Variants in FBXO38 observed in about 807,000 individuals in gnomAD.
The protein encoded by FBXO38 is F-box protein 38, also known as F-box only protein 38.
FBXO38 carries 53 observed loss-of-function variants against 131.9 expected under a neutral mutation model. That is an observed-to-expected ratio of 0.40 (90% CI 0.32 to 0.51). FBXO38 has a LOEUF of 0.51. FBXO38 is among the 20% of genes least tolerant of loss of function. The pLI, the probability that FBXO38 is intolerant of heterozygous loss-of-function variation, is 0.53. For synonymous variants in FBXO38, 452 were observed against 505.6 expected (o/e 0.89, Z 1.42); for missense variants, 1,076 against 1,475.6 (o/e 0.73, Z 4.44).
At chr5:148,435,214 C>T (rs58502205) in intron 17 of FBXO38, among the ~76,000 whole-genome samples, 11,162 of 152,176 alleles carry the variant, frequency 0.073, 773 homozygotes, top group East Asian at 0.23. Flanking sequence ...GAGGGCCTTG[C>T]CCTGGGTTAG....
At chr5:148,431,577 T>C (rs1042305073) in intron 15 of FBXO38, among the ~76,000 whole-genome samples, 20 of 152,216 alleles carry the variant, frequency 1.3e-4, no homozygotes, top group African/African-American at 4.6e-4. Flanking sequence ...TGTCATGTAG[T>C]GGAAACAGGC....
intron 15 of FBXO38, among the ~76,000 whole-genome samples, chr5:148,428,344 T>C (rs1422552010): frequency 6.6e-6 from 1 of 152,190 alleles, no homozygotes; most frequent in East Asian, 1.9e-4. Context: ...GGGGAACACA[T>C]CTCAGTGCAG....
chr5:148,401,535 G>A (rs1395790761), intron 3 of FBXO38, among the ~76,000 whole-genome samples: 2 of 152,092 alleles, frequency 1.3e-5, no homozygotes, highest in Admixed American at 6.6e-5. Context: ...GCTTCCTAAC[G>A]ATGAGGATCA....
Position 148,414,311 on chromosome 5 carries a change from T to C in FBXO38, c.1264+5T>C. 6.3e-7 allele frequency: 1 copy of C among 1,584,134 alleles called. No individual in the cohort carries two copies. The stretch of plus-strand genomic sequence containing the variant: ...ACCCATACAATTGGATCTCAGGTAT[T>C]ACAGACTTAAAAATACAGCTATGTT... On this transcript the variant is annotated splice_donor_5th_base_variant and intron_variant, in intron 10 of 21. Coordinates refer to ENST00000340253, the MANE Select transcript of FBXO38 (RefSeq NM_205836.3).
In FBXO38 at chr5:148,436,055, A is replaced by T. The variant is rs563176328; in HGVS notation, c.2858-2277A>T. Among the ~76,000 whole-genome samples, 26 of 152,312 alleles carry T rather than the reference A, an allele frequency of 1.7e-4. No homozygotes were observed. The South Asian group carries it at 5.4e-3, about 32-fold the overall frequency. On this transcript the variant is annotated intron_variant, in intron 17 of 21. Coordinates refer to ENST00000340253, the MANE Select transcript of FBXO38 (RefSeq NM_205836.3). ...GATCATAGACCACCATAATGGATAA[A>T]ATAATAATGAAAAAGTTTGAAATAC...
intron 6 of FBXO38, 132 bp downstream of exon 6, chr5:148,404,954 G>A: frequency 1.4e-6 from 1 of 727,622 alleles, no homozygotes; most frequent in African/African-American, 1.9e-5. Flanking sequence ...TATTCATCTT[G>A]TGAAGATAAA....
In FBXO38 at chr5:148,427,244, G is replaced by A; in HGVS notation, c.1950G>A (p.Lys650=). ...GAAAAGGCAAGACTCCACTTCGAAAGAGGTACAACTCCCATCAGATGGGCC... is the reference window on the plus strand; with the variant it reads ...GAAAAGGCAAGACTCCACTTCGAAAAAGGTACAACTCCCATCAGATGGGCC... ...VSGKGKTPLR[K]RYNSHQMGQS... The change falls in exon 15 of 22, where the codon AAG becomes AAA. Residue 650 remains lysine, a synonymous_variant. Transcript: ENST00000340253. 1 of 1,606,026 alleles carries A rather than the reference G, an allele frequency of 6.2e-7. No homozygotes were observed. The highest frequency in any genetic ancestry group is 8.5e-7 in the Non-Finnish European group (1 of 1,176,470).
At chr5:148,432,629 A>G (rs1397453009) in intron 15 of FBXO38, among the ~76,000 whole-genome samples, 18 of 152,250 alleles carry the variant, frequency 1.2e-4, no homozygotes, top group Admixed American at 1.2e-3. Context: ...GTAAGCGCTC[A>G]GTAAATATTT....
intron 1 of FBXO38, among the ~76,000 whole-genome samples, chr5:148,390,402 A>G (rs982750837): frequency 1.3e-5 from 2 of 152,138 alleles, no homozygotes; most frequent in African/African-American, 4.8e-5. Context: ...CTTTTACCCT[A>G]GTGTTTATCT....
rs1751994156 is a variant in FBXO38 at position 148,399,107 on chromosome 5, G to T, written c.237G>T (p.Gly79=). The stretch of plus-strand genomic sequence containing the variant: ...TGAGAGTTGTAGATCTCTGTGCAGG[G>T]CGGTGGTGGGAATACATGCCAAGTG... The part of the protein sequence containing the change: ...RVVRVVDLCA[G]RWWEYMPSGF... The change falls in exon 3 of 22, where the codon GGG becomes GGT. Residue 79 remains glycine (G), a synonymous_variant. Coordinates refer to ENST00000340253, the MANE Select transcript of FBXO38 (RefSeq NM_205836.3). The T allele has an allele frequency of 3.7e-6, 6 of 1,611,364 alleles. No individual in the cohort carries two copies. The highest frequency in any genetic ancestry group is 5.1e-6 in the Non-Finnish European group (6 of 1,178,936).
Position 148,423,991 on chromosome 5 carries a change from G to T in FBXO38, c.1619-7G>T. 6.2e-7 allele frequency: 1 copy of T among 1,606,158 alleles called. No individual in the cohort carries two copies. The highest frequency in any genetic ancestry group is 8.5e-7 in the Non-Finnish European group (1 of 1,177,370). On this transcript the variant is annotated splice_polypyrimidine_tract_variant and splice_region_variant and intron_variant, in intron 12 of 21. Coordinates refer to ENST00000340253, the MANE Select transcript of FBXO38 (RefSeq NM_205836.3). ...TGGTTTTTACTTTGTGTATATTTTC[G>T]TTGAAGCATTAAATGAGATGGAAGA...
intron 12 of FBXO38, 54 bp downstream of exon 12, chr5:148,417,258 T>C (rs1220471746): frequency 5.6e-6 from 7 of 1,244,174 alleles, no homozygotes; most frequent in Non-Finnish European, 8.2e-6. Flanking sequence ...CTTTGTATTG[T>C]ATTTCTGGCT....
At chr5:148,388,345 A>T (rs1327609478) in intron 1 of FBXO38, among the ~76,000 whole-genome samples, 1 of 152,182 alleles carries the variant, frequency 6.6e-6, no homozygotes, top group Non-Finnish European at 1.5e-5. Flanking sequence ...ATTGGCTGCA[A>T]CTTCATGTCA....
rs1223384580 is a variant in FBXO38, at chr5:148,394,712, AG to A, written c.-63del. On this transcript the variant is annotated splice_acceptor_variant, in intron 1 of 21. Coordinates refer to ENST00000340253, the MANE Select transcript of FBXO38 (RefSeq NM_205836.3). LOFTEE classifies it low-confidence loss of function (5UTR_SPLICE). ...GTCTACTTCGTTCTGTTTGCTTTTC[AG>A]GTACTTTGAACTCAAGTAAACAAAA... The A allele has an allele frequency of 9.2e-6, 13 of 1,414,512 alleles. No individual in the cohort carries two copies. In the African/African-American group the frequency reaches 1.9e-4, roughly 21 times the overall value. 87.6% of individuals were successfully genotyped at this position (1,414,512 alleles called of 1,614,324 possible). A position where few individuals can be genotyped will look rare whatever the true frequency, so the allele number is the denominator to read the frequency against.
chr5:148,427,524 G>A lies in FBXO38; in HGVS notation c.2230G>A (p.Val744Met), dbSNP rs1753781525. The change falls in exon 15 of 22, where the codon GTG becomes ATG. Residue 744 changes from valine to methionine, a missense_variant. By Grantham distance (21) the Val-to-Met change is conservative (BLOSUM62 1). Coordinates refer to ENST00000340253, the MANE Select transcript of FBXO38 (RefSeq NM_205836.3). Reference sequence around the variant, plus strand: ...CTCTTCCGAGCCTAGCCCTACAGAAGTGGATGTGTCCAGGCAGTGTGCCTG... The same window carrying A: ...CTCTTCCGAGCCTAGCCCTACAGAAATGGATGTGTCCAGGCAGTGTGCCTG... ...GGSSEPSPTE[V>M]DVSRQCACSP... The A allele has an allele frequency of 6.2e-7, 1 of 1,614,098 alleles. No individual in the cohort carries two copies. The highest frequency in any genetic ancestry group is 1.3e-5 in the African/African-American group (1 of 74,938).
At chr5:148,441,323 A>T (rs1754673589) in intron 21 of FBXO38, 86 bp downstream of exon 21, 2 of 948,776 alleles carry the variant, frequency 2.1e-6, no homozygotes, top group Non-Finnish European at 3.3e-6. Flanking sequence ...GTGAGTTAGG[A>T]GCAGTGCAGT....
rs1020135090 is a variant in FBXO38, at chr5:148,410,784, T to C, written c.1093+19T>C. ...CTACAGAGTAAGATTTATCCCATTT[T>C]AATTCCTAGAATTACTGTAAGAAAT... On this transcript the variant is annotated intron_variant, in intron 9 of 21. Transcript: ENST00000340253. The C allele has an allele frequency of 6.3e-7, 1 of 1,584,350 alleles. No homozygotes were observed. Among genetic ancestry groups the C allele is most frequent in the Admixed American group, 1.9e-5 (1 of 52,382 alleles).
At chr5:148,392,579 C>G (rs1162170925) in intron 1 of FBXO38, among the ~76,000 whole-genome samples, 4 of 107,426 alleles carry the variant, frequency 3.7e-5, no homozygotes, top group African/African-American at 2.0e-4. Context: ...TTTTGCTTTT[C>G]TTTGTGTGTG....
chr5:148,416,196 GC>G, intron 11 of FBXO38, 126 bp downstream of exon 11: 1 of 845,626 alleles, frequency 1.2e-6, no homozygotes, highest in Non-Finnish European at 1.7e-6. Context: ...ACTTTTTACT[GC>G]CAGCCTCAGT....
Sources: gnomAD v4.1 joint callset for allele counts (sites outside exome capture counted in the v4.1 genomes callset) on GRCh38, gnomAD v4.1.1 for gene constraint, MANE v1.5 for transcripts, NCBI Gene and HGNC (gene_info 2026-07-23, HGNC 2026-07-21) for gene names.